MYH9: variants seen among roughly 807,000 people sequenced by gnomAD.
MYH9 encodes the protein myosin-9.
A neutral mutation model predicts 241.9 loss-of-function variants in MYH9; 29 were observed. The observed-to-expected ratio is 0.12, with a 90% CI of 0.09 to 0.16. The LOEUF (loss-of-function observed/expected upper bound fraction) is 0.16. Ranked by LOEUF, MYH9 falls within the 10% of genes least tolerant of loss-of-function variation. MYH9 has a pLI of 1.00. For missense variants in MYH9, 1,803 were observed against 2,595.5 expected (o/e 0.69, Z 6.63); for synonymous variants, 1,047 against 1,062.6 (o/e 0.99, Z 0.29).
At chr22:36,344,292 C>T (rs1249386920) in intron 2 of MYH9, among the ~76,000 whole-genome samples, 1 of 151,724 alleles carries the variant, frequency 6.6e-6, no homozygotes. Flanking sequence ...CCATCCGCCC[C>T]CATCCCAGGG....
intron 3 of MYH9, among the ~76,000 whole-genome samples, chr22:36,338,333 C>T (rs1399140345): frequency 1.3e-5 from 2 of 151,996 alleles, no homozygotes; most frequent in East Asian, 1.9e-4. Flanking sequence ...AGACGTCCTT[C>T]GTCAGTCAAT....
chr22:36,350,011 C>T (rs1463179613), intron 1 of MYH9, among the ~76,000 whole-genome samples: 2 of 152,150 alleles, frequency 1.3e-5, no homozygotes, highest in Admixed American at 1.3e-4. Context: ...TCAACTAAGA[C>T]AAGAGAAGAA....
At chr22:36,283,445 G>C (rs1228632155) in intron 40 of MYH9, among the ~76,000 whole-genome samples, 1 of 151,320 alleles carries the variant, frequency 6.6e-6, no homozygotes, top group African/African-American at 2.4e-5. Flanking sequence ...GCTGAGGGAG[G>C]AGAATCGCTT....
chr22:36,308,675 C>G (rs913014785), intron 15 of MYH9: 6 of 345,844 alleles, frequency 1.7e-5, no homozygotes, highest in Non-Finnish European at 2.4e-5. Context: ...AGGGGCAGAT[C>G]AGGGAACGGG....
chr22:36,298,345 C>A (rs58088830), intron 24 of MYH9, among the ~76,000 whole-genome samples: 13,246 of 152,122 alleles, frequency 0.087, 1,599 homozygotes, highest in African/African-American at 0.27. Flanking sequence ...TGCCACAGAT[C>A]CCGAGGGCAC....
At chr22:36,364,963 C>T (rs2017988645) in intron 1 of MYH9, 1 of 152,142 alleles carries the variant, frequency 6.6e-6, no homozygotes, top group Non-Finnish European at 1.5e-5. Context: ...TACAAGGAGC[C>T]CCAGTGGGTC....
rs371556740 is a variant in MYH9, at chr22:36,322,411, C to T, written c.705+18G>A. On this transcript the variant is annotated intron_variant, in intron 6 of 40. Coordinates refer to ENST00000216181, the MANE Select transcript of MYH9 (RefSeq NM_002473.6). ...AGGCCCTCTGTCCCCAGAGCCGGGG[C>T]GCCGCCGCGCTACTCACGAAGCGGG... The T allele has an allele frequency of 2.3e-5, 37 of 1,612,962 alleles. No individual in the cohort carries two copies. Among genetic ancestry groups the T allele is most frequent in the Non-Finnish European group, 3.0e-5 (35 of 1,179,198 alleles).
chr22:36,345,966 G>A (rs1015638536), intron 2 of MYH9, among the ~76,000 whole-genome samples: 1 of 152,104 alleles, frequency 6.6e-6, no homozygotes, highest in Non-Finnish European at 1.5e-5. Flanking sequence ...GGCCAATATG[G>A]GGAAACCCCG....
intron 38 of MYH9, 150 bp from the exon 39 acceptor site, chr22:36,284,661 C>A: frequency 1.3e-6 from 1 of 755,866 alleles, no homozygotes; most frequent in Non-Finnish European, 2.3e-6. Context: ...GTGTACCCGG[C>A]TTCTTACGAC....
chr22:36,317,567 A>C (rs2017178318), intron 11 of MYH9, among the ~76,000 whole-genome samples: 1 of 152,194 alleles, frequency 6.6e-6, no homozygotes, highest in South Asian at 2.1e-4. Flanking sequence ...TGAATGGGAG[A>C]AAGACTAACA....
intron 5 of MYH9, among the ~76,000 whole-genome samples, chr22:36,322,979 T>C (rs754959217): frequency 1.3e-5 from 2 of 152,140 alleles, no homozygotes; most frequent in Non-Finnish European, 2.9e-5. Context: ...ATCTGGAAAA[T>C]ATACACGCTC....
Position 36,318,308 on chromosome 22 carries a change from G to A in MYH9, c.1126C>T (p.His376Tyr). 1.2e-6 allele frequency: 2 copies of A among 1,613,938 alleles called. No homozygotes were observed. Among genetic ancestry groups the A allele is most frequent in the Non-Finnish European group, 1.7e-6 (2 of 1,179,922 alleles). ...TCGGTCACATTGATACCCAAGAGATGGGACACCTTTTGGGCAGCTAAGATT... is the reference window on the plus strand; with the variant it reads ...TCGGTCACATTGATACCCAAGAGATAGGACACCTTTTGGGCAGCTAAGATT... ...PDNTAAQKVS[H>Y]LLGINVTDFT... Residue 376 changes from histidine (H) to tyrosine (Y), a missense_variant, in exon 11 of 41, where the codon CAT (histidine) becomes TAT (tyrosine). His to Tyr is a moderately conservative substitution (Grantham distance 83). Transcript: ENST00000216181.
Position 36,295,146 on chromosome 22 carries a change from C to T in MYH9, c.3486-70G>A. 1 of 1,609,120 alleles carries T rather than the reference C, an allele frequency of 6.2e-7. No individual in the cohort carries two copies. Among genetic ancestry groups the T allele is most frequent in the Non-Finnish European group, 8.5e-7 (1 of 1,177,152 alleles). ...GCGAGGCTGTCCCTGGGGCTCTTCC[C>T]TGACCAAAGAGAGGCCTGGCCAGGG... On this transcript the variant is annotated intron_variant, in intron 26 of 40. Transcript: ENST00000216181. This position sits in a 1 kb window ranked among gnomAD's most constrained non-coding sequence, Gnocchi z 4.1.
In MYH9 at chr22:36,306,256, T is replaced by TC. The variant is rs971215596; in HGVS notation, c.2037+157_2037+158insG. Among the ~76,000 whole-genome samples, 2 of 151,936 alleles carry TC rather than the reference T, an allele frequency of 1.3e-5. No individual in the cohort carries two copies. Among genetic ancestry groups the TC allele is most frequent in the African/African-American group, 4.8e-5 (2 of 41,346 alleles). ...GGAAGTGCAGGCTGTGAATGTAGCG[T>TC]ATCTCCTAAGCGAGCCAAGGCCCAC... is the stretch of plus-strand genomic sequence containing the variant. On this transcript the variant is annotated intron_variant, in intron 16 of 40. Transcript: ENST00000216181. The surrounding 1 kb of genome is among the most constrained non-coding windows in gnomAD (Gnocchi z 4.1).
chr22:36,348,707 AGAATAAT>A (rs2146392392), intron 2 of MYH9, among the ~76,000 whole-genome samples, 190 bp downstream of exon 2: 2 of 152,228 alleles, frequency 1.3e-5, no homozygotes, highest in East Asian at 3.9e-4. Flanking sequence ...CAAAGGGAAA[AGAATAAT>A]GCTATAAGAA....
Position 36,288,556 on chromosome 22 carries a change from C to CTA in MYH9, c.4771-145_4771-144dup, listed in dbSNP as rs2016629277. 1.2e-5 allele frequency: 17 copies of CTA among 1,367,580 alleles called. No homozygotes were observed. In the South Asian group the frequency reaches 1.9e-4, roughly 15 times the overall value. The allele number at this position is 1,367,580 out of a possible 1,614,324, so 84.7% of individuals were successfully genotyped here. A position where few individuals can be genotyped will look rare whatever the true frequency, so the allele number is the denominator to read the frequency against. ...GTGGGGATTACTGACCATAAGAACT[C>CTA]TAAGAAAGTGAGTCACTGAACCCCG... On this transcript the variant is annotated intron_variant, in intron 33 of 40. Transcript: ENST00000216181. The surrounding 1 kb of genome is among the most constrained non-coding windows in gnomAD (Gnocchi z 4.8).
intron 14 of MYH9, among the ~76,000 whole-genome samples, chr22:36,311,023 C>T (rs1179683214): frequency 1.3e-5 from 2 of 152,272 alleles, no homozygotes; most frequent in Non-Finnish European, 2.9e-5. Flanking sequence ...GTGCTAGAAC[C>T]GGGCCTGGAC....
At chr22:36,313,082 A>C (rs5756140) in intron 13 of MYH9, among the ~76,000 whole-genome samples, 122,816 of 149,270 alleles carry the variant, frequency 0.82, 53,917 homozygotes, top group East Asian at 1. Flanking sequence ...AAGAACAAAA[A>C]TCTGTCTCAA....
chr22:36,370,069 CAT>C lies in MYH9; in HGVS notation c.-20+17736_-20+17737del, dbSNP rs1023877743. On this transcript the variant is annotated intron_variant, in intron 1 of 40. Coordinates refer to ENST00000216181, the MANE Select transcript of MYH9 (RefSeq NM_002473.6). Reference sequence around the variant, plus strand: ...CCAGATAAATTGTGGACAGATAAAACATATAAACAATAAAGCTATACTTTATT... The same window carrying C: ...CCAGATAAATTGTGGACAGATAAAACATAAACAATAAAGCTATACTTTATT... Among the ~76,000 whole-genome samples, 38 of 152,302 alleles carry C rather than the reference CAT, an allele frequency of 2.5e-4. 1 individual carries two copies. Among genetic ancestry groups the C allele is most frequent in the Admixed American group, 2.0e-3 (30 of 15,302 alleles).
Sources: gnomAD v4.1 joint callset for allele counts (sites outside exome capture counted in the v4.1 genomes callset) on GRCh38, gnomAD v4.1.1 for gene constraint, Gnocchi (gnomAD v3.1) non-coding constraint, MANE v1.5 for transcripts, NCBI Gene and HGNC (gene_info 2026-07-23, HGNC 2026-07-21) for gene names.